OR10A6: variants seen among roughly 807,000 people sequenced by gnomAD.
The protein encoded by OR10A6 is olfactory receptor 10A6.
OR10A6 carries 2 observed loss-of-function variants against 1.5 expected under a neutral mutation model. The observed-to-expected ratio is 1.31, with a 90% CI of 0.54 to 4.13. The LOEUF is 4.13. Ranked by LOEUF, OR10A6 falls within the 30% of genes most tolerant of loss-of-function variation. The pLI is 0.07. For synonymous variants in OR10A6, 169 were observed against 137.3 expected (o/e 1.23, Z -1.61); for missense variants, 492 against 368.6 (o/e 1.33, Z -2.74).
In OR10A6 at chr11:7,927,129, G is replaced by A. The variant is rs1859417004; in HGVS notation, c.*589C>T. On this transcript the variant is annotated 3_prime_UTR_variant, in exon 4 of 4. Coordinates refer to ENST00000641238, the MANE Select transcript of OR10A6 (RefSeq NM_001004461.2). ...AATTATAGACTCTCTGGGTCCCTGA[G>A]TAGAGACATTGTGTTCCTCTCAATA... The A allele has an allele frequency of 6.6e-6, 1 of 152,112 alleles. No individual in the cohort carries two copies. Among genetic ancestry groups the A allele is most frequent in the Non-Finnish European group, 1.5e-5 (1 of 68,034 alleles). The allele number at this position is 152,112 out of a possible 1,614,324, so 9.4% of individuals were successfully genotyped here.
Position 7,928,774 on chromosome 11 carries a change from A to T in OR10A6, c.-112T>A. 1.5e-6 allele frequency: 1 copy of T among 664,430 alleles called. No homozygotes were observed. The allele number at this position is 664,430 out of a possible 1,614,324, so 41.2% of individuals were successfully genotyped here. On this transcript the variant is annotated 5_prime_UTR_variant, in exon 4 of 4. Coordinates refer to ENST00000641238, the MANE Select transcript of OR10A6 (RefSeq NM_001004461.2). ...CATTCACCCCAGAAATTCTGGCAGAAGATGAGGAGCCTATCCTGACAGAAA... is the reference window on the plus strand; with the variant it reads ...CATTCACCCCAGAAATTCTGGCAGATGATGAGGAGCCTATCCTGACAGAAA...
rs143851080 is a variant in OR10A6 at position 7,926,935 on chromosome 11, T to A, written c.*783A>T. 118 of 152,278 alleles carry A rather than the reference T, an allele frequency of 7.7e-4. No individual in the cohort carries two copies. The highest frequency in any genetic ancestry group is 2.7e-3 in the African/African-American group (112 of 41,564). The allele number at this position is 152,278 out of a possible 1,614,324, so 9.4% of individuals were successfully genotyped here. A position where few individuals can be genotyped will look rare whatever the true frequency, so the allele number is the denominator to read the frequency against. The stretch of plus-strand genomic sequence containing the variant: ...CATACATTGTTTGGCCTGTATGAGG[T>A]GCATTTTTGCCTTATGAAAGAAATT... On this transcript the variant is annotated 3_prime_UTR_variant, in exon 4 of 4. Coordinates refer to ENST00000641238, the MANE Select transcript of OR10A6 (RefSeq NM_001004461.2).
At position 7,926,394 on chromosome 11, in the gene OR10A6, C is replaced by A. The variant is rs186590836; in HGVS notation, c.*1324G>T. The stretch of plus-strand genomic sequence containing the variant: ...TGGGGCATGCCAGGTGGGCTGTTGC[C>A]GGTCAGGGGTCCCCAGCTTCCAAAG... On this transcript the variant is annotated 3_prime_UTR_variant, in exon 4 of 4. Coordinates refer to ENST00000641238, the MANE Select transcript of OR10A6 (RefSeq NM_001004461.2). 6.6e-6 allele frequency: 1 copy of A among 152,120 alleles called. No individual in the cohort carries two copies. The highest frequency in any genetic ancestry group is 1.5e-5 in the Non-Finnish European group (1 of 68,016). 9.4% of individuals were successfully genotyped at this position (152,120 alleles called of 1,614,324 possible).
chr11:7,929,755 T>TATATATATATATACATAC lies in OR10A6; in HGVS notation c.-1094_-1093insGTATGTATATATATATAT, dbSNP rs55811645. On this transcript the variant is annotated 5_prime_UTR_variant, in exon 4 of 4. It adds an upstream start codon to the 5' untranslated region. Transcript: ENST00000641238. ...ATATATATATATATATATATATATA[T>TATATATATATATACATAC]ACACACACATGCACACATATATATA... is the stretch of plus-strand genomic sequence containing the variant. 66 of 97,240 alleles carry TATATATATATATACATAC rather than the reference T, an allele frequency of 6.8e-4. No individual in the cohort carries two copies. The highest frequency in any genetic ancestry group is 2.3e-3 in the African/African-American group (65 of 27,984). The allele number at this position is 97,240 out of a possible 1,614,324, so 6.0% of individuals were successfully genotyped here.
chr11:7,925,596 T>C lies in OR10A6; in HGVS notation c.*2122A>G, dbSNP rs1307982428. The stretch of plus-strand genomic sequence containing the variant: ...GAATTTTTTTTAAGAAAAAAATTGG[T>C]TTACAGAATCAATGAACAAAATGAA... On this transcript the variant is annotated 3_prime_UTR_variant, in exon 4 of 4. Transcript: ENST00000641238. 6.6e-6 allele frequency: 1 copy of C among 152,220 alleles called. No individual in the cohort carries two copies. Among genetic ancestry groups the C allele is most frequent in the East Asian group, 1.9e-4 (1 of 5,204 alleles). 9.4% of individuals were successfully genotyped at this position (152,220 alleles called of 1,614,324 possible).
chr11:7,924,978 C>T lies in OR10A6; in HGVS notation c.*2740G>A, dbSNP rs1165254693. ...TAGTCAGAACTGTGTCACAAACCACCCTTGTTCAAAAGAGAAACTGGGAAA... is the reference window on the plus strand; with the variant it reads ...TAGTCAGAACTGTGTCACAAACCACTCTTGTTCAAAAGAGAAACTGGGAAA... On this transcript the variant is annotated 3_prime_UTR_variant, in exon 4 of 4. Transcript: ENST00000641238. 1 of 152,080 alleles carries T rather than the reference C, an allele frequency of 6.6e-6. No individual in the cohort carries two copies. Among genetic ancestry groups the T allele is most frequent in the Non-Finnish European group, 1.5e-5 (1 of 68,010 alleles). The allele number at this position is 152,080 out of a possible 1,614,324, so 9.4% of individuals were successfully genotyped here.
Position 7,928,266 on chromosome 11 carries a change from G to T in OR10A6, c.397C>A (p.Gln133Lys), listed in dbSNP as rs755093716. 1.2e-5 allele frequency: 20 copies of T among 1,613,554 alleles called. No individual in the cohort carries two copies. Among genetic ancestry groups the T allele is most frequent in the Non-Finnish European group, 1.7e-5 (20 of 1,179,714 alleles). Residue 133 changes from glutamine (Q) to lysine (K), a missense_variant, in exon 4 of 4, where the codon CAA (glutamine) becomes AAA (lysine). By Grantham distance (53) the Gln-to-Lys change is moderately conservative. Coordinates refer to ENST00000641238, the MANE Select transcript of OR10A6 (RefSeq NM_001004461.2). ...AAAACTCCTTTATTCATAATCATTT[G>T]GTAGTTGAGAGGATGGCAAATTGCA... ...FAAICHPLNY[Q>K]MIMNKGVFMK...
chr11:7,925,230 A>G lies in OR10A6; in HGVS notation c.*2488T>C, dbSNP rs375495266. 2 of 152,216 alleles carry G rather than the reference A, an allele frequency of 1.3e-5. No homozygotes were observed. Among genetic ancestry groups the G allele is most frequent in the East Asian group, 3.8e-4 (2 of 5,204 alleles). 9.4% of individuals were successfully genotyped at this position (152,216 alleles called of 1,614,324 possible). On this transcript the variant is annotated 3_prime_UTR_variant, in exon 4 of 4. Coordinates refer to ENST00000641238, the MANE Select transcript of OR10A6 (RefSeq NM_001004461.2). ...TGTGTGAAGCATACTAACAATTTCTATTCATCAGAATAACATAAAAATTTT... is the reference window on the plus strand; with the variant it reads ...TGTGTGAAGCATACTAACAATTTCTGTTCATCAGAATAACATAAAAATTTT...
chr11:7,927,470 C>T lies in OR10A6; in HGVS notation c.*248G>A, dbSNP rs763388603. 1.1e-4 allele frequency: 41 copies of T among 379,100 alleles called. No individual in the cohort carries two copies. Among genetic ancestry groups the T allele is most frequent in the Middle Eastern group, 1.4e-3 (2 of 1,476 alleles). 23.5% of individuals were successfully genotyped at this position (379,100 alleles called of 1,614,324 possible). On this transcript the variant is annotated 3_prime_UTR_variant, in exon 4 of 4. Coordinates refer to ENST00000641238, the MANE Select transcript of OR10A6 (RefSeq NM_001004461.2). ...TCTATTGTGACAAAAAAATAACCAT[C>T]AGTAGGGCTACTACTAAACAAATTG...
rs758010658 is a variant in OR10A6, at chr11:7,927,926, G to A, written c.737C>T (p.Thr246Ile). The change falls in exon 4 of 4, where the codon ACA becomes ATA. Residue 246 changes from threonine to isoleucine, a missense_variant. Coordinates refer to ENST00000641238, the MANE Select transcript of OR10A6 (RefSeq NM_001004461.2). ...KAFSTCAAHLTSVTLFYGTAS... is the reference protein window; with the variant it reads ...KAFSTCAAHLISVTLFYGTAS... ...TGTGCCATAGAATAGGGTCACAGAT[G>A]TGAGGTGAGCGGCACAGGTGGAAAA... 1.2e-6 allele frequency: 2 copies of A among 1,614,030 alleles called. No individual in the cohort carries two copies. The highest frequency in any genetic ancestry group is 2.2e-5 in the South Asian group (2 of 91,084).
chr11:7,928,175 A>G lies in OR10A6; in HGVS notation c.488T>C (p.Val163Ala). 1.9e-6 allele frequency: 3 copies of G among 1,613,588 alleles called. No homozygotes were observed. Among genetic ancestry groups the G allele is most frequent in the Non-Finnish European group, 2.5e-6 (3 of 1,179,612 alleles). ...FMLGTVQTSWVSSFPFCGLNE... is the reference protein window; with the variant it reads ...FMLGTVQTSWASSFPFCGLNE... Reference sequence around the variant, plus strand: ...AAGGCCACAAAAGGGAAAACTAGATACCCATGATGTTTGAACAGTACCTAA... The same window carrying G: ...AAGGCCACAAAAGGGAAAACTAGATGCCCATGATGTTTGAACAGTACCTAA... Residue 163 changes from valine (V) to alanine (A), a missense_variant, in exon 4 of 4, where the codon GTA becomes GCA. By Grantham distance (64) the Val-to-Ala change is moderately conservative (BLOSUM62 0). Transcript: ENST00000641238.
In OR10A6 at chr11:7,928,033, A is replaced by G. The variant is rs1564866213; in HGVS notation, c.630T>C (p.Pro210=). The G allele has an allele frequency of 3.7e-6, 6 of 1,614,018 alleles. No homozygotes were observed. The East Asian group carries it at 8.9e-5, about 24-fold the overall frequency. The change falls in exon 4 of 4, where the codon CCT becomes CCC. Residue 210 remains proline (P), a synonymous_variant. Coordinates refer to ENST00000641238, the MANE Select transcript of OR10A6 (RefSeq NM_001004461.2). ...TGTAAGACAAGAGTATCAACAAGAA[A>G]GGAACCAAAATAATCAAAAAGGTGC... The part of the protein sequence containing the change: ...FTGTFLIILV[P]FLLILLSYIR...
Position 7,928,974 on chromosome 11 carries a change from T to C in OR10A6, c.-312A>G, listed in dbSNP as rs569669024. 4.0e-6 allele frequency: 1 copy of C among 251,566 alleles called. No homozygotes were observed. The highest frequency in any genetic ancestry group is 7.4e-6 in the Non-Finnish European group (1 of 134,624). The allele number at this position is 251,566 out of a possible 1,614,324, so 15.6% of individuals were successfully genotyped here. A position where few individuals can be genotyped will look rare whatever the true frequency, so the allele number is the denominator to read the frequency against. On this transcript the variant is annotated 5_prime_UTR_variant, in exon 4 of 4. Transcript: ENST00000641238. ...AAATATAAATACTTTATACCTTAGG[T>C]TCCAATCCCATAACATTGGTGCAAG...
Position 7,927,441 on chromosome 11 carries a change from A to G in OR10A6, c.*277T>C. 1 of 331,714 alleles carries G rather than the reference A, an allele frequency of 3.0e-6. No individual in the cohort carries two copies. The highest frequency in any genetic ancestry group is 5.4e-6 in the Non-Finnish European group (1 of 184,234). 20.5% of individuals were successfully genotyped at this position (331,714 alleles called of 1,614,324 possible). On this transcript the variant is annotated 3_prime_UTR_variant, in exon 4 of 4. Transcript: ENST00000641238. ...ATATATAAAAACTGGTTGTTTTAGT[A>G]TTATCTATTGTGACAAAAAAATAAC...
At position 7,927,541 on chromosome 11, in the gene OR10A6, G is replaced by GA; in HGVS notation, c.*176dup. The GA allele has an allele frequency of 1.9e-6, 1 of 527,266 alleles. No individual in the cohort carries two copies. Among genetic ancestry groups the GA allele is most frequent in the Non-Finnish European group, 3.3e-6 (1 of 301,342 alleles). The allele number at this position is 527,266 out of a possible 1,614,324, so 32.7% of individuals were successfully genotyped here. On this transcript the variant is annotated 3_prime_UTR_variant, in exon 4 of 4. Coordinates refer to ENST00000641238, the MANE Select transcript of OR10A6 (RefSeq NM_001004461.2). ...ATATTAAGGAATATTATGCACTGGT[G>GA]AAAAAACTAAAAACATTAACATATA... is the stretch of plus-strand genomic sequence containing the variant.
chr11:7,928,756 C>A lies in OR10A6; in HGVS notation c.-94G>T. The A allele has an allele frequency of 1.2e-6, 1 of 868,562 alleles. No individual in the cohort carries two copies. 53.8% of individuals were successfully genotyped at this position (868,562 alleles called of 1,614,324 possible). ...GCTAAGAGTTCCAGTCTGCATTCAC[C>A]CCAGAAATTCTGGCAGAAGATGAGG... On this transcript the variant is annotated 5_prime_UTR_variant, in exon 4 of 4. Coordinates refer to ENST00000641238, the MANE Select transcript of OR10A6 (RefSeq NM_001004461.2).
At position 7,926,954 on chromosome 11, in the gene OR10A6, A is replaced by T. The variant is rs952262080; in HGVS notation, c.*764T>A. The T allele has an allele frequency of 2.0e-5, 3 of 152,224 alleles. No individual in the cohort carries two copies. The highest frequency in any genetic ancestry group is 6.5e-5 in the Admixed American group (1 of 15,270). 9.4% of individuals were successfully genotyped at this position (152,224 alleles called of 1,614,324 possible). A position where few individuals can be genotyped will look rare whatever the true frequency, so the allele number is the denominator to read the frequency against. On this transcript the variant is annotated 3_prime_UTR_variant, in exon 4 of 4. Coordinates refer to ENST00000641238, the MANE Select transcript of OR10A6 (RefSeq NM_001004461.2). ...ATGAGGTGCATTTTTGCCTTATGAAAGAAATTTGACCAAGTTTCAAAAAAT... is the reference window on the plus strand; with the variant it reads ...ATGAGGTGCATTTTTGCCTTATGAATGAAATTTGACCAAGTTTCAAAAAAT...
Position 7,926,582 on chromosome 11 carries a change from G to A in OR10A6, c.*1136C>T, listed in dbSNP as rs996796488. 1 of 152,118 alleles carries A rather than the reference G, an allele frequency of 6.6e-6. No individual in the cohort carries two copies. Among genetic ancestry groups the A allele is most frequent in the African/African-American group, 2.4e-5 (1 of 41,424 alleles). The allele number at this position is 152,118 out of a possible 1,614,324, so 9.4% of individuals were successfully genotyped here. The stretch of plus-strand genomic sequence containing the variant: ...AGGGTTTTCCATCCAATGAATGATT[G>A]TTTTGTAGAAGTGTTCTAACCGCTT... On this transcript the variant is annotated 3_prime_UTR_variant, in exon 4 of 4. Coordinates refer to ENST00000641238, the MANE Select transcript of OR10A6 (RefSeq NM_001004461.2).
At position 7,928,524 on chromosome 11, in the gene OR10A6, C is replaced by T. The variant is rs1480479891; in HGVS notation, c.139G>A (p.Val47Ile). 2 of 1,613,694 alleles carry T rather than the reference C, an allele frequency of 1.2e-6. No homozygotes were observed. Among genetic ancestry groups the T allele is most frequent in the Non-Finnish European group, 1.7e-6 (2 of 1,179,840 alleles). Reference sequence around the variant, plus strand: ...AGGCTCTGGTCTAGGGAGACGATGACTATAATAATGGCATTTCCTATCAGG... The same window carrying T: ...AGGCTCTGGTCTAGGGAGACGATGATTATAATAATGGCATTTCCTATCAGG... ...VTLIGNAIIIVIVSLDQSLHV... is the reference protein window; with the variant it reads ...VTLIGNAIIIIIVSLDQSLHV... The change falls in exon 4 of 4, where the codon GTC becomes ATC. Residue 47 changes from valine to isoleucine, a missense_variant. Physicochemically the swap from Val to Ile is conservative, Grantham distance 29. Coordinates refer to ENST00000641238, the MANE Select transcript of OR10A6 (RefSeq NM_001004461.2).
Sources: allele counts gnomAD v4.1 joint callset, GRCh38; gene constraint gnomAD v4.1.1; transcripts MANE v1.5; gene names NCBI Gene and HGNC (gene_info 2026-07-23, HGNC 2026-07-21).